Variants in LIN9 observed in about 807,000 individuals in gnomAD.
LIN9 encodes the protein lin-9 DREAM MuvB core complex component.
A neutral mutation model predicts 78.0 loss-of-function variants in LIN9; 18 were observed. That is an observed-to-expected ratio of 0.23 (90% CI 0.16 to 0.34). The LOEUF (loss-of-function observed/expected upper bound fraction) is 0.34. LIN9 is among the 10% of genes least tolerant of loss of function. The probability of loss-of-function intolerance (pLI) is 1.00; values close to 1 mark genes in which losing one functional copy is unlikely to be tolerated. For synonymous variants in LIN9, 192 were observed against 215.2 expected (o/e 0.89, Z 0.94); for missense variants, 451 against 644.1 (o/e 0.70, Z 3.25).
At chr1:226,248,082 T>TCTA (rs1658599070) in intron 11 of LIN9, among the ~76,000 whole-genome samples, 1 of 152,216 alleles carries the variant, frequency 6.6e-6, no homozygotes, top group South Asian at 2.1e-4. Flanking sequence ...AATTACCTAG[T>TCTA]CTACTCTTAC....
chr1:226,275,755 C>T (rs55930227), intron 7 of LIN9, among the ~76,000 whole-genome samples: 3,701 of 150,512 alleles, frequency 0.025, 149 homozygotes, highest in African/African-American at 0.086. Context: ...CAGCGGCTCA[C>T]GCCTGTAATC....
intron 10 of LIN9, among the ~76,000 whole-genome samples, chr1:226,256,546 A>G (rs929312948): frequency 3.9e-4 from 59 of 150,278 alleles, no homozygotes; most frequent in African/African-American, 1.3e-3. Flanking sequence ...AATAATAAAT[A>G]AAATAAATAT....
rs2102817390 is a variant in LIN9 at position 226,232,450 on chromosome 1, A to G, written c.*51T>C. On this transcript the variant is annotated 3_prime_UTR_variant, in exon 15 of 15. Transcript: ENST00000681046. The stretch of plus-strand genomic sequence containing the variant: ...GTGTTGGAAGCCTATATAAAGGAAA[A>G]GAACTTCTCAAAAACAATGTCCCGT... The G allele has an allele frequency of 8.0e-7, 1 of 1,245,260 alleles. No individual in the cohort carries two copies. Among genetic ancestry groups the G allele is most frequent in the Admixed American group, 1.9e-5 (1 of 51,966 alleles). The allele number at this position is 1,245,260 out of a possible 1,614,324, so 77.1% of individuals were successfully genotyped here. A position where few individuals can be genotyped will look rare whatever the true frequency, so the allele number is the denominator to read the frequency against.
intron 10 of LIN9, among the ~76,000 whole-genome samples, chr1:226,263,020 G>T (rs149995608): frequency 3.9e-5 from 6 of 152,254 alleles, no homozygotes; most frequent in Non-Finnish European, 8.8e-5. Context: ...ACTAGTAAGT[G>T]AAAGAAACCA....
At chr1:226,308,884 G>A (rs1393819774) in intron 1 of LIN9, 1 of 325,388 alleles carries the variant, frequency 3.1e-6, no homozygotes, top group Admixed American at 5.1e-5. Context: ...CGGGCTCTCG[G>A]TTTCCGGCCC....
chr1:226,289,372 T>C (rs1214493999), intron 4 of LIN9, among the ~76,000 whole-genome samples: 1 of 152,112 alleles, frequency 6.6e-6, no homozygotes, highest in Non-Finnish European at 1.5e-5. Context: ...GTTTTGTTTG[T>C]TCTTTTGAGA....
At chr1:226,264,524 G>T (rs1393822781) in intron 10 of LIN9, among the ~76,000 whole-genome samples, 1 of 152,014 alleles carries the variant, frequency 6.6e-6, no homozygotes, top group East Asian at 1.9e-4. Context: ...ATATTTTCAT[G>T]GATTATGTTA....
chr1:226,287,653 A>G lies in LIN9; in HGVS notation c.398+11T>C. On this transcript the variant is annotated intron_variant, in intron 5 of 14. Coordinates refer to ENST00000681046, the MANE Select transcript of LIN9 (RefSeq NM_001366245.2). ...TCAAGTAATATTCATAATATAAGCC[A>G]TGATACATACTTATCTATATTTGAA... 2 of 1,512,566 alleles carry G rather than the reference A, an allele frequency of 1.3e-6. No individual in the cohort carries two copies. Among genetic ancestry groups the G allele is most frequent in the Non-Finnish European group, 1.8e-6 (2 of 1,131,986 alleles). 93.7% of individuals were successfully genotyped at this position (1,512,566 alleles called of 1,614,324 possible).
intron 10 of LIN9, among the ~76,000 whole-genome samples, chr1:226,256,241 A>G (rs1402199023): frequency 6.6e-6 from 1 of 152,072 alleles, no homozygotes; most frequent in Non-Finnish European, 1.5e-5. Context: ...AAGGAAAAAA[A>G]AATCCTGAAA....
At chr1:226,261,346 T>G (rs1386954219) in intron 10 of LIN9, among the ~76,000 whole-genome samples, 1 of 151,670 alleles carries the variant, frequency 6.6e-6, no homozygotes, top group Non-Finnish European at 1.5e-5. Context: ...AACAACTATC[T>G]GTTTTAGGCG....
intron 6 of LIN9, among the ~76,000 whole-genome samples, chr1:226,285,635 A>C (rs1323227145): frequency 1.3e-5 from 2 of 152,218 alleles, no homozygotes; most frequent in Admixed American, 6.5e-5. Context: ...AAGGTTTTCC[A>C]ATGTGTTACC....
chr1:226,262,335 A>G (rs1659642866), intron 10 of LIN9, among the ~76,000 whole-genome samples: 1 of 152,228 alleles, frequency 6.6e-6, no homozygotes. Context: ...AAAGAGAATG[A>G]AAAGACAAGC....
At chr1:226,257,318 A>C (rs1659269192) in intron 10 of LIN9, among the ~76,000 whole-genome samples, 1 of 152,272 alleles carries the variant, frequency 6.6e-6, no homozygotes, top group East Asian at 1.9e-4. Context: ...ATATAAATAA[A>C]GGAAATGTAT....
At chr1:226,277,402 T>C (rs888632930) in intron 7 of LIN9, among the ~76,000 whole-genome samples, 9 of 152,158 alleles carry the variant, frequency 5.9e-5, no homozygotes, top group South Asian at 2.1e-4. Flanking sequence ...GTAACTTCTA[T>C]AGTAAATTGC....
chr1:226,237,569 T>A (rs1437388243), intron 12 of LIN9, among the ~76,000 whole-genome samples: 1 of 149,088 alleles, frequency 6.7e-6, no homozygotes, highest in Non-Finnish European at 1.5e-5. Context: ...GAGGCAGAGG[T>A]TGCAGTGGGC....
At chr1:226,244,742 C>G (rs903115962) in intron 11 of LIN9, among the ~76,000 whole-genome samples, 2 of 152,156 alleles carry the variant, frequency 1.3e-5, no homozygotes, top group Non-Finnish European at 2.9e-5. Flanking sequence ...CAATTTTTTG[C>G]TATTACAACA....
At chr1:226,300,648 G>T (rs1452229086) in intron 2 of LIN9, among the ~76,000 whole-genome samples, 2 of 152,180 alleles carry the variant, frequency 1.3e-5, no homozygotes, top group Non-Finnish European at 2.9e-5. Flanking sequence ...TTGAGGCCAG[G>T]AGTTTGAGGC....
At chr1:226,245,400 G>A (rs12126918) in intron 11 of LIN9, among the ~76,000 whole-genome samples, 2 of 147,180 alleles carry the variant, frequency 1.4e-5, no homozygotes, top group African/African-American at 5.1e-5. Context: ...AAGTTTCTTA[G>A]TTCTGCCAGT....
chr1:226,298,406 C>G (rs1662291622), intron 2 of LIN9, among the ~76,000 whole-genome samples: 1 of 152,174 alleles, frequency 6.6e-6, no homozygotes, highest in Non-Finnish European at 1.5e-5. Context: ...CAGGGTTTCT[C>G]CATGTTGGCC....
Sources: allele counts gnomAD v4.1 joint callset (sites outside exome capture counted in the v4.1 genomes callset), GRCh38; gene constraint gnomAD v4.1.1; transcripts MANE v1.5; gene names NCBI Gene and HGNC (gene_info 2026-07-23, HGNC 2026-07-21).